Variants in VTCN1 observed in about 807,000 individuals in gnomAD.
VTCN1 encodes the protein V-set domain containing T cell activation inhibitor 1.
In VTCN1, 26 loss-of-function variants were observed where a neutral mutation model predicts 26.5. That is an observed-to-expected ratio of 0.98 (90% CI 0.72 to 1.36). VTCN1 has a LOEUF of 1.36. Among genes scored for constraint, VTCN1 ranks in the 40% most tolerant of loss-of-function variants. The probability of loss-of-function intolerance (pLI) is 0.00; values close to 1 mark genes in which losing one functional copy is unlikely to be tolerated. For missense variants in VTCN1, 298 were observed against 337.7 expected, an observed-to-expected ratio of 0.88 and a Z score of 0.92; for synonymous variants, 116 against 130.7, an observed-to-expected ratio of 0.89 and a Z score of 0.77.
intron 1 of VTCN1, among the ~76,000 whole-genome samples, chr1:117,210,176 G>C (rs1649283096): frequency 1.3e-5 from 2 of 152,024 alleles, no homozygotes; most frequent in South Asian, 4.2e-4. Flanking sequence ...AAAAGGTAGG[G>C]GAGGGAACTT....
intron 1 of VTCN1, among the ~76,000 whole-genome samples, chr1:117,198,497 C>T (rs1320500757): frequency 6.6e-6 from 1 of 152,136 alleles, no homozygotes; most frequent in East Asian, 1.9e-4. Context: ...ATTTCCATTC[C>T]CTGTCTTAGA....
intron 1 of VTCN1, among the ~76,000 whole-genome samples, chr1:117,176,591 G>T (rs895458062): frequency 5.9e-5 from 9 of 152,168 alleles, no homozygotes; most frequent in Admixed American, 2.0e-4. Flanking sequence ...ATTCCTTATA[G>T]ATCATTAGTT....
At chr1:117,188,606 C>T (rs1648080663) in intron 1 of VTCN1, among the ~76,000 whole-genome samples, 1 of 152,194 alleles carries the variant, frequency 6.6e-6, no homozygotes, top group Admixed American at 6.5e-5. Flanking sequence ...ACATTTATTT[C>T]TCTAAGTGTC....
intron 1 of VTCN1, among the ~76,000 whole-genome samples, chr1:117,199,224 A>ATTT (rs34708655): frequency 4.0e-5 from 1 of 24,920 alleles, no homozygotes; most frequent in African/African-American, 6.1e-5. Flanking sequence ...AATTAAACAG[A>ATTT]CTTAAGTCTA....
intron 1 of VTCN1, among the ~76,000 whole-genome samples, chr1:117,190,950 C>T (rs1195885275): frequency 6.6e-6 from 1 of 152,054 alleles, no homozygotes; most frequent in Non-Finnish European, 1.5e-5. Context: ...AATTGCCTGA[C>T]AAGAATTTAA....
chr1:117,203,614 T>C, intron 1 of VTCN1: 1 of 985,398 alleles, frequency 1.0e-6, no homozygotes, highest in Non-Finnish European at 1.2e-6. Flanking sequence ...CCTGGGTTTC[T>C]TACCTGTAGA....
At chr1:117,177,927 T>C (rs1273507203) in intron 1 of VTCN1, among the ~76,000 whole-genome samples, 1 of 151,288 alleles carries the variant, frequency 6.6e-6, no homozygotes, top group Admixed American at 6.6e-5. Context: ...TTTTCTTTTT[T>C]TTTTTTTTTT....
chr1:117,191,616 C>T (rs1648248604), intron 1 of VTCN1, among the ~76,000 whole-genome samples: 3 of 152,178 alleles, frequency 2.0e-5, no homozygotes, highest in Admixed American at 2.0e-4. Context: ...AACCCTGTCT[C>T]TACTAAAAGT....
intron 4 of VTCN1, among the ~76,000 whole-genome samples, chr1:117,148,850 G>A (rs903294131): frequency 6.6e-6 from 1 of 152,176 alleles, no homozygotes; most frequent in African/African-American, 2.4e-5. Flanking sequence ...ACTCCCCACT[G>A]TCAGACAGAA....
chr1:117,173,041 G>T, intron 1 of VTCN1: 1 of 640,870 alleles, frequency 1.6e-6, no homozygotes, highest in Non-Finnish European at 2.9e-6. Flanking sequence ...CTTTGGGTCT[G>T]CACTACCTTT....
chr1:117,177,942 G>A (rs1345354756), intron 1 of VTCN1, among the ~76,000 whole-genome samples: 6 of 143,492 alleles, frequency 4.2e-5, no homozygotes, highest in East Asian at 2.0e-4. Context: ...TTTTTTTGGC[G>A]GGGTAGGTTG....
Position 117,144,684 on chromosome 1 carries a change from A to T in VTCN1, c.*587T>A, listed in dbSNP as rs1651423109. On this transcript the variant is annotated 3_prime_UTR_variant, in exon 6 of 6. Coordinates refer to ENST00000369458, the MANE Select transcript of VTCN1 (RefSeq NM_024626.4). ...ACTTTGGCATTTGTCAGTTGGGAAG[A>T]GAAGCCAAGGCACCTTTGGAAGCAT... is the stretch of plus-strand genomic sequence containing the variant. 6.6e-6 allele frequency: 1 copy of T among 152,612 alleles called. No individual in the cohort carries two copies. Among genetic ancestry groups the T allele is most frequent in the Non-Finnish European group, 1.5e-5 (1 of 68,042 alleles). The allele number at this position is 152,612 out of a possible 1,614,324, so 9.5% of individuals were successfully genotyped here. A position where few individuals can be genotyped will look rare whatever the true frequency, so the allele number is the denominator to read the frequency against.
chr1:117,210,705 T>C lies in VTCN1; in HGVS notation c.32+119A>G, dbSNP rs1190628267. On this transcript the variant is annotated intron_variant, in intron 1 of 5. Coordinates refer to ENST00000369458, the MANE Select transcript of VTCN1 (RefSeq NM_024626.4). ...GGCCAGGCTCCCGCTGGCCCAATGC[T>C]GGATCAGATAAAATTACAGGTGGGG... 3.6e-6 allele frequency: 4 copies of C among 1,111,448 alleles called. No homozygotes were observed. The African/African-American group carries it at 4.6e-5, about 13-fold the overall frequency. The allele number at this position is 1,111,448 out of a possible 1,614,324, so 68.8% of individuals were successfully genotyped here.
At position 117,146,800 on chromosome 1, in the gene VTCN1, T is replaced by C. The variant is rs192981934; in HGVS notation, c.*45+813A>G. On this transcript the variant is annotated intron_variant, in intron 5 of 5. Coordinates refer to ENST00000369458, the MANE Select transcript of VTCN1 (RefSeq NM_024626.4). This position sits in a 1 kb window ranked among gnomAD's most constrained non-coding sequence, Gnocchi z 4.2. Reference sequence around the variant, plus strand: ...AAAGGAAGGCTATGATGAAATCGTGTTTCAGAATACTTCGATTCTGGCACC... The same window carrying C: ...AAAGGAAGGCTATGATGAAATCGTGCTTCAGAATACTTCGATTCTGGCACC... 1.3e-5 allele frequency among the ~76,000 whole-genome samples: 2 copies of C among 152,302 alleles called. No individual in the cohort carries two copies. Among genetic ancestry groups the C allele is most frequent in the East Asian group, 3.9e-4 (2 of 5,172 alleles).
At chr1:117,185,539 T>C (rs1345986901) in intron 1 of VTCN1, among the ~76,000 whole-genome samples, 1 of 152,072 alleles carries the variant, frequency 6.6e-6, no homozygotes, top group Non-Finnish European at 1.5e-5. Context: ...CAAAAGTAGT[T>C]CAGGCCGTGA....
Position 117,210,875 on chromosome 1 carries a change from C to A in VTCN1, c.-20G>T, listed in dbSNP as rs760568086. 24 of 1,613,918 alleles carry A rather than the reference C, an allele frequency of 1.5e-5. No individual in the cohort carries two copies. The South Asian group carries it at 2.1e-4, about 14-fold the overall frequency. Reference sequence around the variant, plus strand: ...AGCCATGGCTGGGGAAGGTTCCCAGCGTATCTGGGTACTGGCTGAGTGGAG... The same window carrying A: ...AGCCATGGCTGGGGAAGGTTCCCAGAGTATCTGGGTACTGGCTGAGTGGAG... On this transcript the variant is annotated 5_prime_UTR_variant, in exon 1 of 6. Transcript: ENST00000369458.
intron 1 of VTCN1, among the ~76,000 whole-genome samples, chr1:117,200,086 A>G (rs190839026): frequency 1.3e-5 from 2 of 152,330 alleles, no homozygotes; most frequent in East Asian, 3.9e-4. Flanking sequence ...CAAAAACAAA[A>G]AAGAAAAGAG....
In VTCN1 at chr1:117,145,081, C is replaced by T. The variant is rs1432167232; in HGVS notation, c.*190G>A. 1 of 152,596 alleles carries T rather than the reference C, an allele frequency of 6.6e-6. No homozygotes were observed. The highest frequency in any genetic ancestry group is 1.5e-5 in the Non-Finnish European group (1 of 68,034). 9.5% of individuals were successfully genotyped at this position (152,596 alleles called of 1,614,324 possible). On this transcript the variant is annotated 3_prime_UTR_variant, in exon 6 of 6. Coordinates refer to ENST00000369458, the MANE Select transcript of VTCN1 (RefSeq NM_024626.4). The surrounding 1 kb of genome is among the most constrained non-coding windows in gnomAD (Gnocchi z 4.6). ...AATATGTCTTTGAAGATAGATTTAT[C>T]TTGTTCATATTGGAGCCTTCTGCTT...
intron 1 of VTCN1, among the ~76,000 whole-genome samples, chr1:117,207,345 C>G (rs1447922192): frequency 6.6e-6 from 1 of 152,140 alleles, no homozygotes; most frequent in Admixed American, 6.6e-5. Context: ...GGATCACTAG[C>G]CTTGTGTGTT....
Sources: allele counts gnomAD v4.1 joint callset (sites outside exome capture counted in the v4.1 genomes callset), GRCh38; gene constraint gnomAD v4.1.1; non-coding constraint Gnocchi (gnomAD v3.1); transcripts MANE v1.5; gene names NCBI Gene and HGNC (gene_info 2026-07-23, HGNC 2026-07-21).